The following BRF1 variants were observed in gnomAD, a reference collection of about 807,000 sequenced individuals.
BRF1 encodes BRF1 general transcription factor IIIB subunit, also known as transcription factor IIIB 90 kDa subunit.
Under a neutral mutation model 81.7 loss-of-function variants are expected in BRF1, and 59 were observed. The ratio of observed to expected loss-of-function variants is 0.72; its 90% CI spans 0.59 to 0.90. BRF1 has a LOEUF of 0.90. Among genes scored for constraint, BRF1 ranks in the 40% least tolerant of loss-of-function variants. The pLI, the probability that BRF1 is intolerant of heterozygous loss-of-function variation, is 0.00. For missense variants in BRF1, 1,050 were observed against 936.3 expected, an observed-to-expected ratio of 1.12 and a Z score of -1.58; for synonymous variants, 491 against 395.6, an observed-to-expected ratio of 1.24 and a Z score of -2.86.
At chr14:105,228,492 C>T (rs140493834) in intron 7 of BRF1, among the ~76,000 whole-genome samples, 80 of 150,638 alleles carry the variant, frequency 5.3e-4, no homozygotes, top group African/African-American at 6.4e-4. Context: ...TACAGTGAGC[C>T]GAGATCACGC....
In BRF1 at chr14:105,272,710, C is replaced by A. The variant is rs767155422; in HGVS notation, c.439+11G>T. 7 of 1,590,140 alleles carry A rather than the reference C, an allele frequency of 4.4e-6. No individual in the cohort carries two copies. The highest frequency in any genetic ancestry group is 1.7e-5 in the Admixed American group (1 of 58,782). On this transcript the variant is annotated intron_variant, in intron 3 of 17. Coordinates refer to ENST00000547530, the MANE Select transcript of BRF1 (RefSeq NM_001519.4). Reference sequence around the variant, plus strand: ...TGGGGCCCTCTGGGAGGCTCTCAAACCAAAGGATACGCGGCGTGCCCTCCG... The same window carrying A: ...TGGGGCCCTCTGGGAGGCTCTCAAAACAAAGGATACGCGGCGTGCCCTCCG...
rs775546215 is a variant in BRF1 at position 105,252,515 on chromosome 14, G to A, written c.536C>T (p.Pro179Leu). Residue 179 changes from proline to leucine, a missense_variant, in exon 5 of 18, where the codon CCG becomes CTG. Physicochemically the swap from Pro to Leu is moderately conservative, Grantham distance 98. This residue lies in a region of BRF1 where 1,043 missense variants were observed against 915.4 expected (regional missense o/e 1.14). Transcript: ENST00000547530. ...LLARELCINAPAIDPCLYIPR... is the reference protein window; with the variant it reads ...LLARELCINALAIDPCLYIPR... ...CTCACCCAGATGCCTACCTATGGCC[G>A]GCGCATTGATGCAGAGCTCTCTTGC... is the stretch of plus-strand genomic sequence containing the variant. 1.5e-5 allele frequency: 25 copies of A among 1,613,580 alleles called. No homozygotes were observed. The highest frequency in any genetic ancestry group is 1.2e-4 in the Admixed American group (7 of 59,954).
rs768692713 is a variant in BRF1 at position 105,210,523 on chromosome 14, A to G, written c.*28T>C. ...GAGGAGACCCGCGAGGCCCCCTGCC[A>G]GGACATCACCTGCCTGGAGGCCACA... On this transcript the variant is annotated 3_prime_UTR_variant, in exon 18 of 18. Coordinates refer to ENST00000547530, the MANE Select transcript of BRF1 (RefSeq NM_001519.4). This position sits in a 1 kb window ranked among gnomAD's most constrained non-coding sequence, Gnocchi z 4.7. 2 of 1,609,480 alleles carry G rather than the reference A, an allele frequency of 1.2e-6. No homozygotes were observed. The highest frequency in any genetic ancestry group is 1.7e-6 in the Non-Finnish European group (2 of 1,179,678).
intron 5 of BRF1, chr14:105,252,291 G>A (rs587774174): frequency 4.8e-6 from 4 of 832,502 alleles, no homozygotes; most frequent in East Asian, 1.2e-4. Context: ...AGTGAGCTAC[G>A]ATTGTGCCAC....
intron 6 of BRF1, 137 bp downstream of exon 6, chr14:105,241,128 G>T (rs1595346754): frequency 7.1e-7 from 1 of 1,400,166 alleles, no homozygotes; most frequent in Non-Finnish European, 9.6e-7. Flanking sequence ...GGCCAGGCCA[G>T]AGTCAGCCCC....
chr14:105,228,677 A>C (rs754097821), intron 7 of BRF1, 143 bp downstream of exon 7: 10 of 868,288 alleles, frequency 1.2e-5, no homozygotes, highest in African/African-American at 1.7e-5. Flanking sequence ...CCATAGTGTG[A>C]CCGGGGCTGG....
At chr14:105,283,744 T>C (rs903067306) in intron 2 of BRF1, among the ~76,000 whole-genome samples, 7 of 152,212 alleles carry the variant, frequency 4.6e-5, no homozygotes, top group African/African-American at 1.4e-4. Flanking sequence ...CTAGTAAAGA[T>C]ACCGCGAGTT....
At chr14:105,275,768 C>A (rs1365010746) in intron 2 of BRF1, among the ~76,000 whole-genome samples, 1 of 152,278 alleles carries the variant, frequency 6.6e-6, no homozygotes, top group Non-Finnish European at 1.5e-5. Flanking sequence ...GAAATCCTAT[C>A]CCCTACGGGG....
At chr14:105,265,254 A>C (rs1386864115) in intron 3 of BRF1, among the ~76,000 whole-genome samples, 2 of 151,908 alleles carry the variant, frequency 1.3e-5, no homozygotes, top group African/African-American at 4.8e-5. Context: ...TTATTAGCCT[A>C]GGCTGGTCCT....
intron 2 of BRF1, among the ~76,000 whole-genome samples, chr14:105,274,678 G>A (rs2056805065): frequency 6.6e-6 from 1 of 152,258 alleles, no homozygotes; most frequent in African/African-American, 2.4e-5. Context: ...GGAAACAAAT[G>A]TCAATGCAGA....
chr14:105,249,349 T>C, intron 5 of BRF1: 10 of 1,608,612 alleles, frequency 6.2e-6, no homozygotes, highest in Non-Finnish European at 8.5e-6. Context: ...GGCGGCGCTT[T>C]CTCCTCCCAG....
intron 10 of BRF1, chr14:105,222,576 A>T (rs926532622): frequency 2.6e-5 from 4 of 152,120 alleles, no homozygotes; most frequent in Non-Finnish European, 4.4e-5. Flanking sequence ...CAGGGGGAAC[A>T]CGCTCCCTTG....
intron 5 of BRF1, chr14:105,242,735 C>CAAAAA (rs753645207): frequency 4.9e-4 from 19 of 38,888 alleles, no homozygotes; most frequent in Non-Finnish European, 5.4e-4. Flanking sequence ...AGTTCTGACT[C>CAAAAA]AAAAAAAAAA....
chr14:105,220,894 A>G (rs1180659191), intron 11 of BRF1, among the ~76,000 whole-genome samples: 2 of 152,150 alleles, frequency 1.3e-5, no homozygotes, highest in Admixed American at 1.3e-4. Flanking sequence ...GCTCAGGGTC[A>G]CTGTGCCGCT....
chr14:105,264,699 G>A (rs2255171), intron 3 of BRF1, among the ~76,000 whole-genome samples: 31,103 of 148,600 alleles, frequency 0.21, 3,800 homozygotes, highest in Non-Finnish European at 0.27. Context: ...AAATTGAGTG[G>A]GTGTGGTGGC....
chr14:105,286,496 A>G lies in BRF1; in HGVS notation c.185-120T>C, dbSNP rs1039071213. On this transcript the variant is annotated intron_variant, in intron 1 of 17. Coordinates refer to ENST00000547530, the MANE Select transcript of BRF1 (RefSeq NM_001519.4). ...GGGGGTCAGCACTCATGGGGGAAGC[A>G]GCAGGTCGGCCCCCCGCACCTCCGT... 2.9e-6 allele frequency: 3 copies of G among 1,031,744 alleles called. No individual in the cohort carries two copies. The African/African-American group carries it at 4.8e-5, about 16-fold the overall frequency. The allele number at this position is 1,031,744 out of a possible 1,614,324, so 63.9% of individuals were successfully genotyped here. A position where few individuals can be genotyped will look rare whatever the true frequency, so the allele number is the denominator to read the frequency against.
intron 3 of BRF1, among the ~76,000 whole-genome samples, chr14:105,266,912 T>C (rs1217431964): frequency 2.6e-5 from 4 of 151,918 alleles, no homozygotes; most frequent in Admixed American, 2.6e-4. Context: ...GGGGTGGTGG[T>C]GTATGCCTGT....
At chr14:105,298,162 T>G (rs1254898632) in intron 1 of BRF1, among the ~76,000 whole-genome samples, 1 of 152,212 alleles carries the variant, frequency 6.6e-6, no homozygotes, top group African/African-American at 2.4e-5. Flanking sequence ...CAGAAAACTC[T>G]GGTATCCAAA....
intron 1 of BRF1, among the ~76,000 whole-genome samples, chr14:105,289,810 A>G (rs947970271): frequency 6.6e-6 from 1 of 151,700 alleles, no homozygotes; most frequent in East Asian, 2.0e-4. Flanking sequence ...TGATTTTTGT[A>G]TTTTTACTAG....
Sources: allele counts gnomAD v4.1 joint callset (sites outside exome capture counted in the v4.1 genomes callset), GRCh38; gene constraint gnomAD v4.1.1; regional missense constraint gnomAD v4.1.1; non-coding constraint Gnocchi (gnomAD v3.1); transcripts MANE v1.5; gene names NCBI Gene and HGNC (gene_info 2026-07-23, HGNC 2026-07-21).